The following PCDHGB5 variants were observed in gnomAD, a reference collection of about 807,000 sequenced individuals.
The protein encoded by PCDHGB5 is protocadherin gamma subfamily B, 5.
Under a neutral mutation model 62.9 loss-of-function variants are expected in PCDHGB5, and 48 were observed. That is an observed-to-expected ratio of 0.76 (90% CI 0.61 to 0.97). PCDHGB5 has a LOEUF of 0.97. Ranked by LOEUF, PCDHGB5 falls within the 50% of genes least tolerant of loss-of-function variation. The pLI is 0.00. For synonymous variants in PCDHGB5, 474 were observed against 511.2 expected (o/e 0.93, Z 0.98); for missense variants, 1,118 against 1,198.6 (o/e 0.93, Z 0.99).
At chr5:141,471,422 A>T (rs919676109) in intron 1 of PCDHGB5, 5 of 152,176 alleles carry the variant, frequency 3.3e-5, no homozygotes, top group Non-Finnish European at 5.9e-5. Context: ...GTTTTTAGCA[A>T]GGAAAGTGTA....
At chr5:141,482,530 CAAA>C (rs3074545) in intron 1 of PCDHGB5, among the ~76,000 whole-genome samples, 29 of 76,552 alleles carry the variant, frequency 3.8e-4, no homozygotes, top group African/African-American at 9.1e-4. Context: ...GACAGACATG[CAAA>C]AAAAAAAAAA....
In PCDHGB5 at chr5:141,512,133, G is replaced by A. The variant is rs1394116556; in HGVS notation, c.*960G>A. ...CCACTACATAATAGGGCTCAGCCCA[G>A]GCAGCCAGCTTTGGGCTGAGCTAAC... On this transcript the variant is annotated 3_prime_UTR_variant, in exon 4 of 4. Coordinates refer to ENST00000617380, the MANE Select transcript of PCDHGB5 (RefSeq NM_018925.3). 3 of 152,708 alleles carry A rather than the reference G, an allele frequency of 2.0e-5. No homozygotes were observed. Among genetic ancestry groups the A allele is most frequent in the Non-Finnish European group, 2.9e-5 (2 of 68,102 alleles). 9.5% of individuals were successfully genotyped at this position (152,708 alleles called of 1,614,324 possible).
At position 141,433,188 on chromosome 5, in the gene PCDHGB5, G is replaced by A. The variant is rs2097573612; in HGVS notation, c.2397+32664G>A. The A allele has an allele frequency of 2.5e-6, 4 of 1,583,816 alleles. No homozygotes were observed. The South Asian group carries it at 3.5e-5, about 14-fold the overall frequency. On this transcript the variant is annotated intron_variant, in intron 1 of 3. Coordinates refer to ENST00000617380, the MANE Select transcript of PCDHGB5 (RefSeq NM_018925.3). ...GACAGTCATGGGTTAATTGAGGTGA[G>A]TTTATATCAAATCTTCTTTCTTTTT...
At chr5:141,413,824 A>G (rs1265406182) in intron 1 of PCDHGB5, 1 of 1,613,114 alleles carries the variant, frequency 6.2e-7, no homozygotes, top group Middle Eastern at 1.6e-4. Context: ...CCTGGTCCTC[A>G]CCGCCTCCGA....
chr5:141,405,016 C>A (rs538744733), intron 1 of PCDHGB5: 1 of 1,614,006 alleles, frequency 6.2e-7, no homozygotes, highest in African/African-American at 1.3e-5. Flanking sequence ...AGGCCTCAGA[C>A]CTTACCCTCT....
intron 1 of PCDHGB5, among the ~76,000 whole-genome samples, chr5:141,459,376 G>A (rs72790056): frequency 0.022 from 3,347 of 152,266 alleles, 53 homozygotes; most frequent in South Asian, 0.04. Flanking sequence ...TATCAGCAGC[G>A]TGTTCCATTT....
At chr5:141,442,754 T>C (rs2098341364) in intron 1 of PCDHGB5, among the ~76,000 whole-genome samples, 1 of 152,220 alleles carries the variant, frequency 6.6e-6, no homozygotes, top group Non-Finnish European at 1.5e-5. Flanking sequence ...GTTTTGATTA[T>C]ATATATTTGT....
At chr5:141,426,775 A>G (rs2096959432) in intron 1 of PCDHGB5, 1 of 456,496 alleles carries the variant, frequency 2.2e-6, no homozygotes, top group South Asian at 1.5e-5. Context: ...GTAGGGCCTC[A>G]CTCTCTCCAG....
chr5:141,469,880 C>T (rs774827232), intron 1 of PCDHGB5, among the ~76,000 whole-genome samples: 7 of 152,210 alleles, frequency 4.6e-5, no homozygotes, highest in East Asian at 1.9e-4. Flanking sequence ...CCTGTAATCT[C>T]GGCACTTTGG....
At chr5:141,441,864 G>A in intron 1 of PCDHGB5, 3 of 344,518 alleles carry the variant, frequency 8.7e-6, no homozygotes, top group Admixed American at 4.1e-5. Context: ...TGCACGCCGC[G>A]GAGCCTGGCT....
At chr5:141,451,151 A>AT (rs1324071351) in intron 1 of PCDHGB5, among the ~76,000 whole-genome samples, 2 of 152,190 alleles carry the variant, frequency 1.3e-5, no homozygotes, top group Admixed American at 6.5e-5. Context: ...TAGACTAGAC[A>AT]TTTTTTTGGT....
Position 141,490,330 on chromosome 5 carries a change from C to G in PCDHGB5, c.2398-4477C>G. 4 of 1,614,198 alleles carry G rather than the reference C, an allele frequency of 2.5e-6. No homozygotes were observed. Among genetic ancestry groups the G allele is most frequent in the South Asian group, 1.1e-5 (1 of 91,082 alleles). On this transcript the variant is annotated intron_variant, in intron 1 of 3. Coordinates refer to ENST00000617380, the MANE Select transcript of PCDHGB5 (RefSeq NM_018925.3). This position sits in a 1 kb window ranked among gnomAD's most constrained non-coding sequence, Gnocchi z 5.4. ...GGCCAACCCTGTCCTAGAGAGCACACCAGTGGGCACAGTAGTGGGGTTGTT... is the reference window on the plus strand; with the variant it reads ...GGCCAACCCTGTCCTAGAGAGCACAGCAGTGGGCACAGTAGTGGGGTTGTT...
chr5:141,481,724 C>T (rs1301509633), intron 1 of PCDHGB5, among the ~76,000 whole-genome samples: 2 of 151,882 alleles, frequency 1.3e-5, no homozygotes. Context: ...GAGGCGGAGG[C>T]GGGCGGATCA....
chr5:141,399,055 GA>G lies in PCDHGB5; in HGVS notation c.930del (p.Glu310AspfsTer6). The G allele has an allele frequency of 7.4e-6, 12 of 1,613,844 alleles. No homozygotes were observed. Among genetic ancestry groups the G allele is most frequent in the Non-Finnish European group, 1.0e-5 (12 of 1,179,874 alleles). On this transcript the variant is annotated frameshift_variant, in exon 1 of 4. Coordinates refer to ENST00000617380, the MANE Select transcript of PCDHGB5 (RefSeq NM_018925.3). LOFTEE classifies it high-confidence loss of function. ...GAAACTGGATTTTGAAGAGACCAAGGAATATTCAATGGTTGTAGAAGGGAGG... is the reference window on the plus strand; with the variant it reads ...GAAACTGGATTTTGAAGAGACCAAGGATATTCAATGGTTGTAGAAGGGAGG... ...QKKLDFEETK[E>X]YSMVVEGRDG...
Position 141,432,089 on chromosome 5 carries a change from G to A in PCDHGB5, c.2397+31565G>A, listed in dbSNP as rs1325165974. On this transcript the variant is annotated intron_variant, in intron 1 of 3. Transcript: ENST00000617380. The surrounding 1 kb of genome is among the most constrained non-coding windows in gnomAD (Gnocchi z 6.0). Reference sequence around the variant, plus strand: ...AACTCATATCTCGCTGAACGTGGCAGACACCAACGACAACCCGCCGGTCTT... The same window carrying A: ...AACTCATATCTCGCTGAACGTGGCAAACACCAACGACAACCCGCCGGTCTT... The A allele has an allele frequency of 6.2e-7, 1 of 1,614,046 alleles. No homozygotes were observed. Among genetic ancestry groups the A allele is most frequent in the Non-Finnish European group, 8.5e-7 (1 of 1,180,052 alleles).
rs1379095967 is a variant in PCDHGB5 at position 141,422,752 on chromosome 5, A to C, written c.2397+22228A>C. The C allele has an allele frequency of 6.2e-7, 1 of 1,612,064 alleles. No homozygotes were observed. The highest frequency in any genetic ancestry group is 1.3e-5 in the African/African-American group (1 of 74,892). On this transcript the variant is annotated intron_variant, in intron 1 of 3. Transcript: ENST00000617380. The stretch of plus-strand genomic sequence containing the variant: ...GCCTCTGTCCTCCTATGTCTCTATT[A>C]ACTCCAACACTGGTGTTCTCTATGC...
intron 1 of PCDHGB5, among the ~76,000 whole-genome samples, chr5:141,483,834 A>G (rs2154580001): frequency 6.6e-6 from 1 of 152,212 alleles, no homozygotes; most frequent in South Asian, 2.1e-4. Flanking sequence ...CTAGGTAAGG[A>G]CTTGGTTGAA....
At position 141,409,757 on chromosome 5, in the gene PCDHGB5, G is replaced by A; in HGVS notation, c.2397+9233G>A. The A allele has an allele frequency of 6.8e-6, 11 of 1,612,986 alleles. No individual in the cohort carries two copies. The highest frequency in any genetic ancestry group is 9.3e-6 in the Non-Finnish European group (11 of 1,179,838). ...GAGCGGGGTGGTGTTCGCGCAGCGCGCCTTTGATCACGAGCAGCTGCGCGC... is the reference window on the plus strand; with the variant it reads ...GAGCGGGGTGGTGTTCGCGCAGCGCACCTTTGATCACGAGCAGCTGCGCGC... On this transcript the variant is annotated intron_variant, in intron 1 of 3. Coordinates refer to ENST00000617380, the MANE Select transcript of PCDHGB5 (RefSeq NM_018925.3).
rs756146067 is a variant in PCDHGB5, at chr5:141,477,534, G to C, written c.2398-17273G>C. On this transcript the variant is annotated intron_variant, in intron 1 of 3. Transcript: ENST00000617380. This position sits in a 1 kb window ranked among gnomAD's most constrained non-coding sequence, Gnocchi z 4.9. ...TACATTGAAGAAAACAACCTCCCCG[G>C]GGCTCCAATACTAAACCTAAGTGTC... 1.9e-6 allele frequency: 3 copies of C among 1,614,008 alleles called. No homozygotes were observed. Among genetic ancestry groups the C allele is most frequent in the East Asian group, 4.5e-5 (2 of 44,870 alleles).
Sources: gnomAD v4.1 joint callset for allele counts (sites outside exome capture counted in the v4.1 genomes callset) on GRCh38, gnomAD v4.1.1 for gene constraint, Gnocchi (gnomAD v3.1) non-coding constraint, MANE v1.5 for transcripts, NCBI Gene and HGNC (gene_info 2026-07-23, HGNC 2026-07-21) for gene names.